Variants in TRIM65 observed in about 807,000 individuals in gnomAD.
TRIM65 encodes E3 ubiquitin-protein ligase TRIM65.
TRIM65 carries 46 observed loss-of-function variants against 36.1 expected under a neutral mutation model. That is an observed-to-expected ratio of 1.27 (90% confidence interval 1.01 to 1.63). The LOEUF (loss-of-function observed/expected upper bound fraction) is 1.63. TRIM65 is among the 40% of genes most tolerant of loss of function. TRIM65 has a pLI of 0.00. For missense variants in TRIM65, 708 were observed against 696.6 expected, an observed-to-expected ratio of 1.02 and a Z score of -0.18; for synonymous variants, 346 against 313.6, an observed-to-expected ratio of 1.10 and a Z score of -1.09.
Position 75,896,558 on chromosome 17 carries a change from C to A in TRIM65, c.380G>T (p.Arg127Leu). The A allele has an allele frequency of 7.4e-7, 1 of 1,359,678 alleles. No homozygotes were observed. Among genetic ancestry groups the A allele is most frequent in the Non-Finnish European group, 9.5e-7 (1 of 1,057,318 alleles). 84.2% of individuals were successfully genotyped at this position (1,359,678 alleles called of 1,614,324 possible). ...CTVRECRLHE[R>L]ALLDAERLKR... ...GAGGCGCTCGGCATCCAGCAGCGCC[C>A]GCTCGTGGAGGCGACACTCGCGCAC... The change falls in exon 1 of 6, where the codon CGG becomes CTG. Residue 127 changes from arginine to leucine, a missense_variant. Physicochemically the swap from Arg to Leu is moderately radical, Grantham distance 102 (BLOSUM62 -2). Coordinates refer to ENST00000269383, the MANE Select transcript of TRIM65 (RefSeq NM_173547.4).
chr17:75,892,915 C>A, intron 1 of TRIM65, 65 bp from the exon 2 acceptor site: 1 of 1,456,538 alleles, frequency 6.9e-7, no homozygotes, highest in Non-Finnish European at 9.4e-7. Flanking sequence ...TGTCCTTTCT[C>A]AGACAACCAA....
At chr17:75,894,178 G>A (rs1011004294) in intron 1 of TRIM65, among the ~76,000 whole-genome samples, 4 of 151,420 alleles carry the variant, frequency 2.6e-5, no homozygotes, top group Admixed American at 6.6e-5. Flanking sequence ...CCACCTCACC[G>A]ACCCCCAGCC....
At chr17:75,883,004 A>T (rs991203882) in intron 4 of TRIM65, among the ~76,000 whole-genome samples, 8 of 149,704 alleles carry the variant, frequency 5.3e-5, no homozygotes, top group Admixed American at 5.3e-4. Context: ...AAAAACAAAA[A>T]GCAATCCGGT....
downstream of TRIM65, among the ~76,000 whole-genome samples, chr17:75,886,581 G>GT (rs2065209406): frequency 6.7e-6 from 1 of 150,368 alleles, no homozygotes; most frequent in South Asian, 2.1e-4. Flanking sequence ...CCAGTCTCAG[G>GT]TATGTCTTTA....
At chr17:75,879,902 C>T (rs1599440294), downstream of TRIM65, among the ~76,000 whole-genome samples, 1 of 150,524 alleles carries the variant, frequency 6.6e-6, no homozygotes, top group Non-Finnish European at 1.5e-5. Flanking sequence ...TACAGGCGCC[C>T]GCCACCACAT....
rs1334113766 is a variant in TRIM65, at chr17:75,889,316, A to C, written c.*1463T>G. 1.3e-5 allele frequency: 2 copies of C among 152,140 alleles called. No individual in the cohort carries two copies. The highest frequency in any genetic ancestry group is 2.9e-5 in the Non-Finnish European group (2 of 68,042). The allele number at this position is 152,140 out of a possible 1,614,324, so 9.4% of individuals were successfully genotyped here. A position where few individuals can be genotyped will look rare whatever the true frequency, so the allele number is the denominator to read the frequency against. On this transcript the variant is annotated 3_prime_UTR_variant, in exon 6 of 6. Coordinates refer to ENST00000269383, the MANE Select transcript of TRIM65 (RefSeq NM_173547.4). ...TGATCCGCCTGCCTCGGCCTCCCAA[A>C]GTGCTGGGATTACAAGCGTGAGCCA...
At position 75,889,945 on chromosome 17, in the gene TRIM65, T is replaced by C. The variant is rs2065243907; in HGVS notation, c.*834A>G. 6.6e-6 allele frequency: 1 copy of C among 152,146 alleles called. No homozygotes were observed. The highest frequency in any genetic ancestry group is 1.5e-5 in the Non-Finnish European group (1 of 68,032). 9.4% of individuals were successfully genotyped at this position (152,146 alleles called of 1,614,324 possible). A position where few individuals can be genotyped will look rare whatever the true frequency, so the allele number is the denominator to read the frequency against. On this transcript the variant is annotated 3_prime_UTR_variant, in exon 6 of 6. Coordinates refer to ENST00000269383, the MANE Select transcript of TRIM65 (RefSeq NM_173547.4). ...TCCTGTCTCAAAAAAAACACATCAA[T>C]GTTTGTATAGCTAAAAAGAAAGAAA...
intron 1 of TRIM65, among the ~76,000 whole-genome samples, 172 bp downstream of exon 1, chr17:75,896,352 G>C (rs1389899804): frequency 1.3e-5 from 2 of 152,156 alleles, no homozygotes; most frequent in Admixed American, 6.5e-5. Context: ...ACTGCGCCTG[G>C]CAGACCCACG....
Position 75,892,033 on chromosome 17 carries a change from C to T in TRIM65, c.897G>A (p.Lys299=). The part of the protein sequence containing the change: ...EEGSHPGAPA[K]PVDLAPVEAP... The stretch of plus-strand genomic sequence containing the variant: ...TACCCACGGGGGCTAAGTCCACAGG[C>T]TTGGCTGGTGCCCCAGGGTGGCTCC... Residue 299 remains lysine (K), a synonymous_variant, in exon 4 of 6, where the codon AAG becomes AAA. Coordinates refer to ENST00000269383, the MANE Select transcript of TRIM65 (RefSeq NM_173547.4). The T allele has an allele frequency of 6.4e-7, 1 of 1,551,224 alleles. No homozygotes were observed. The highest frequency in any genetic ancestry group is 1.4e-5 in the African/African-American group (1 of 73,184).
chr17:75,890,044 A>G lies in TRIM65; in HGVS notation c.*735T>C, dbSNP rs557734777. 1.3e-5 allele frequency: 2 copies of G among 152,342 alleles called. No individual in the cohort carries two copies. The highest frequency in any genetic ancestry group is 2.1e-4 in the South Asian group (1 of 4,828). The allele number at this position is 152,342 out of a possible 1,614,324, so 9.4% of individuals were successfully genotyped here. On this transcript the variant is annotated 3_prime_UTR_variant, in exon 6 of 6. Transcript: ENST00000269383. ...CTACAGCAATCAGTGAAAATTTTCA[A>G]TCATGTGAAAAATGCTTATGTTAAG...
downstream of TRIM65, among the ~76,000 whole-genome samples, chr17:75,884,767 C>T (rs560197746): frequency 2.5e-4 from 38 of 152,200 alleles, no homozygotes; most frequent in African/African-American, 7.7e-4. Flanking sequence ...CACAGGCGCA[C>T]GCCACCATGC....
chr17:75,891,109 C>A lies in TRIM65; in HGVS notation c.1224G>T (p.Arg408Ser). The change falls in exon 6 of 6, where the codon AGG becomes AGT. Residue 408 changes from arginine to serine, a missense_variant. Arg to Ser is a moderately radical substitution (Grantham distance 110). Transcript: ENST00000269383. ...CAATGTTGTCTGTGTGGGGCCCCAG[C>A]CTGCACCGTGGCAGTTGCGGGTAGG... is the stretch of plus-strand genomic sequence containing the variant. ...GVSYPQLPRC[R>S]LGPHTDNIGR... 10 of 1,609,502 alleles carry A rather than the reference C, an allele frequency of 6.2e-6. No individual in the cohort carries two copies. The highest frequency in any genetic ancestry group is 8.5e-6 in the Non-Finnish European group (10 of 1,179,886).
At chr17:75,888,200 A>AATAAATAT (rs976512664), downstream of TRIM65, among the ~76,000 whole-genome samples, 33 of 144,910 alleles carry the variant, frequency 2.3e-4, no homozygotes, top group African/African-American at 8.3e-4. Flanking sequence ...TAAATAAATA[A>AATAAATAT]ATATTAGTCG....
intron 1 of TRIM65, among the ~76,000 whole-genome samples, chr17:75,894,635 T>C (rs572902434): frequency 5.3e-5 from 8 of 152,354 alleles, no homozygotes; most frequent in African/African-American, 1.7e-4. Context: ...GTTCACGCCA[T>C]TCTCCAGCCT....
At chr17:75,881,283 G>T (rs1238709976) in intron 4 of TRIM65, among the ~76,000 whole-genome samples, 1 of 149,428 alleles carries the variant, frequency 6.7e-6, no homozygotes, top group Non-Finnish European at 1.5e-5. Context: ...AAGAAAGAAG[G>T]AGGGACCCAG....
At position 75,889,800 on chromosome 17, in the gene TRIM65, A is replaced by C. The variant is rs1045575599; in HGVS notation, c.*979T>G. ...CCAAACATCCCACTCAGAAATATTC[A>C]TCATAAGCCAGGCGTGGTGGCATAC... On this transcript the variant is annotated 3_prime_UTR_variant, in exon 6 of 6. Coordinates refer to ENST00000269383, the MANE Select transcript of TRIM65 (RefSeq NM_173547.4). 2 of 152,170 alleles carry C rather than the reference A, an allele frequency of 1.3e-5. No homozygotes were observed. Among genetic ancestry groups the C allele is most frequent in the African/African-American group, 2.4e-5 (1 of 41,432 alleles). The allele number at this position is 152,170 out of a possible 1,614,324, so 9.4% of individuals were successfully genotyped here.
At position 75,896,938 on chromosome 17, in the gene TRIM65, G is replaced by T; in HGVS notation, c.-1C>A. The T allele has an allele frequency of 6.7e-7, 1 of 1,489,958 alleles. No individual in the cohort carries two copies. The highest frequency in any genetic ancestry group is 1.3e-5 in the South Asian group (1 of 79,636). 92.3% of individuals were successfully genotyped at this position (1,489,958 alleles called of 1,614,324 possible). A position where few individuals can be genotyped will look rare whatever the true frequency, so the allele number is the denominator to read the frequency against. On this transcript the variant is annotated 5_prime_UTR_variant, in exon 1 of 6. Coordinates refer to ENST00000269383, the MANE Select transcript of TRIM65 (RefSeq NM_173547.4). ...TCTCCTCCAGCAGCTGCGCGGCCAT[G>T]GCCCGGCGGCGGCGAGAGCCAGGCG...
Position 75,892,006 on chromosome 17 carries a change from C to T in TRIM65, c.919+5G>A. 3 of 1,552,494 alleles carry T rather than the reference C, an allele frequency of 1.9e-6. 1 individual carries two copies. In the South Asian group the frequency reaches 3.6e-5, roughly 18 times the overall value. On this transcript the variant is annotated splice_donor_5th_base_variant and intron_variant, in intron 4 of 5. Coordinates refer to ENST00000269383, the MANE Select transcript of TRIM65 (RefSeq NM_173547.4). ...CAGCAGGGGGAGGCCTGGGGTCAGT[C>T]TTACCCACGGGGGCTAAGTCCACAG...
rs1444695443 is a variant in TRIM65 at position 75,891,136 on chromosome 17, G to A, written c.1197C>T (p.Val399=). The change falls in exon 6 of 6, where the codon GTC becomes GTT. Residue 399 remains valine, a synonymous_variant. Coordinates refer to ENST00000269383, the MANE Select transcript of TRIM65 (RefSeq NM_173547.4). ...TGCACCGTGGCAGTTGCGGGTAGGA[G>A]ACGCCCAGTGTCACCGAGTGGTCTG... ...RASDHSVTLG[V]SYPQLPRCRL... 1 of 1,608,264 alleles carries A rather than the reference G, an allele frequency of 6.2e-7. No individual in the cohort carries two copies. Among genetic ancestry groups the A allele is most frequent in the Non-Finnish European group, 8.5e-7 (1 of 1,179,922 alleles).
Sources: gnomAD v4.1 joint callset for allele counts (sites outside exome capture counted in the v4.1 genomes callset) on GRCh38, gnomAD v4.1.1 for gene constraint, MANE v1.5 for transcripts, NCBI Gene and HGNC (gene_info 2026-07-23, HGNC 2026-07-21) for gene names.